Variants in CTNNA2 observed in about 807,000 individuals in gnomAD.
CTNNA2 encodes the protein catenin alpha-2.
A neutral mutation model predicts 101.0 loss-of-function variants in CTNNA2; 42 were observed. The observed-to-expected ratio is 0.42, with a 90% CI of 0.32 to 0.54. The LOEUF (loss-of-function observed/expected upper bound fraction) is 0.54. Among genes scored for constraint, CTNNA2 ranks in the 20% least tolerant of loss-of-function variants. CTNNA2 has a pLI of 0.14. For synonymous variants in CTNNA2, 450 were observed against 456.4 expected, an observed-to-expected ratio of 0.99 and a Z score of 0.18; for missense variants, 871 against 1,223.1, an observed-to-expected ratio of 0.71 and a Z score of 4.29.
At chr2:79,690,292 TG>T (rs1684201790) in intron 2 of CTNNA2, among the ~76,000 whole-genome samples, 1 of 152,086 alleles carries the variant, frequency 6.6e-6, no homozygotes, top group Non-Finnish European at 1.5e-5. Context: ...GAAGAATTAT[TG>T]GAACACTGAA....
intron 3 of CTNNA2, among the ~76,000 whole-genome samples, chr2:79,345,859 A>ATT (rs71385269): frequency 0.36 from 47,405 of 130,368 alleles, 8,530 homozygotes; most frequent in Admixed American, 0.44. Context: ...CGCCCGGTTG[A>ATT]TTTTTTTTTT....
chr2:80,370,339 A>G (rs904154085), intron 7 of CTNNA2, among the ~76,000 whole-genome samples: 1 of 152,114 alleles, frequency 6.6e-6, no homozygotes, highest in African/African-American at 2.4e-5. Context: ...CAACAATTTC[A>G]GGGCAGGAAG....
At chr2:80,371,529 A>C (rs1218234851) in intron 7 of CTNNA2, among the ~76,000 whole-genome samples, 2 of 150,928 alleles carry the variant, frequency 1.3e-5, no homozygotes, top group Non-Finnish European at 2.9e-5. Flanking sequence ...CACACAAAGG[A>C]ACAAATAATG....
At chr2:79,479,449 A>C (rs1471079249) in intron 4 of CTNNA2, among the ~76,000 whole-genome samples, 1 of 152,218 alleles carries the variant, frequency 6.6e-6, no homozygotes, top group Non-Finnish European at 1.5e-5. Flanking sequence ...TCAGAATGTT[A>C]TATCTATTGC....
intron 7 of CTNNA2, among the ~76,000 whole-genome samples, chr2:80,148,418 TC>T (rs1573224966): frequency 6.6e-6 from 1 of 152,318 alleles, no homozygotes; most frequent in East Asian, 1.9e-4. Flanking sequence ...TGATCACTGA[TC>T]CAGCTGGCAT....
At chr2:80,534,263 T>C (rs4426548) in intron 9 of CTNNA2, among the ~76,000 whole-genome samples, 69,269 of 152,056 alleles carry the variant, frequency 0.46, 16,012 homozygotes, top group South Asian at 0.57. Flanking sequence ...GGTGGGACCA[T>C]GAACAAATTT....
chr2:80,149,232 T>G (rs968951391), intron 7 of CTNNA2, among the ~76,000 whole-genome samples: 1 of 152,080 alleles, frequency 6.6e-6, no homozygotes, highest in African/African-American at 2.4e-5. Flanking sequence ...AGACAGGGTC[T>G]TTTACTTTGT....
intron 2 of CTNNA2, among the ~76,000 whole-genome samples, chr2:79,698,579 C>T (rs1225534499): frequency 2.6e-5 from 4 of 151,902 alleles, no homozygotes; most frequent in Admixed American, 6.6e-5. Flanking sequence ...TAAGTTTGCC[C>T]CTCTTCAGGA....
At chr2:80,065,405 C>A (rs958337115) in intron 7 of CTNNA2, among the ~76,000 whole-genome samples, 5 of 150,472 alleles carry the variant, frequency 3.3e-5, no homozygotes, top group African/African-American at 1.2e-4. Flanking sequence ...TGTCACCAGG[C>A]TGGAGTGCAG....
chr2:79,415,756 C>T (rs1678472292), intron 4 of CTNNA2, among the ~76,000 whole-genome samples: 1 of 151,958 alleles, frequency 6.6e-6, no homozygotes, highest in African/African-American at 2.4e-5. Context: ...AGTTTTTTTT[C>T]ATCCCAGTAG....
chr2:79,887,006 A>G (rs1230876312), intron 6 of CTNNA2, among the ~76,000 whole-genome samples: 1 of 151,758 alleles, frequency 6.6e-6, no homozygotes, highest in Admixed American at 6.6e-5. Flanking sequence ...TAGTAGACAC[A>G]TGGTTTCGCC....
At chr2:79,255,623 C>A (rs918089226) in intron 2 of CTNNA2, among the ~76,000 whole-genome samples, 2 of 152,042 alleles carry the variant, frequency 1.3e-5, no homozygotes, top group South Asian at 2.1e-4. Context: ...TGGAACATAG[C>A]AAAAGAAGAG....
intron 9 of CTNNA2, among the ~76,000 whole-genome samples, chr2:80,440,495 G>C (rs1229728986): frequency 6.6e-6 from 1 of 152,212 alleles, no homozygotes; most frequent in Admixed American, 6.5e-5. Context: ...TGCCTTCTAA[G>C]ATGCCCATCT....
intron 1 of CTNNA2, among the ~76,000 whole-genome samples, chr2:79,195,541 T>G (rs568246148): frequency 1.3e-5 from 2 of 152,294 alleles, no homozygotes; most frequent in East Asian, 3.9e-4. Context: ...TTAGTCCTAC[T>G]AACCAAAAGA....
intron 9 of CTNNA2, among the ~76,000 whole-genome samples, chr2:80,516,855 C>G (rs1414444155): frequency 2.0e-5 from 3 of 152,174 alleles, no homozygotes; most frequent in African/African-American, 2.4e-5. Context: ...TAATGGTGTT[C>G]TTTTTACTTG....
chr2:80,276,710 ACT>A (rs1179915339), intron 7 of CTNNA2, among the ~76,000 whole-genome samples: 4 of 151,790 alleles, frequency 2.6e-5, no homozygotes, highest in Non-Finnish European at 5.9e-5. Flanking sequence ...GATGTGCCAG[ACT>A]CTTTTTAACA....
At position 80,320,332 on chromosome 2, in the gene CTNNA2, A is replaced by G. The variant is rs1678556036; in HGVS notation, c.1057-72879A>G. Among the ~76,000 whole-genome samples the G allele has an allele frequency of 2.6e-5, 4 of 152,342 alleles. No individual in the cohort carries two copies. In the South Asian group the frequency reaches 8.3e-4, roughly 32 times the overall value. On this transcript the variant is annotated intron_variant, in intron 7 of 18. Transcript: ENST00000402739. ...TGCCATTTCTCCTTCTATTTGGCCA[A>G]ATAAGCACATTTTCCCAAAGTGGGG...
Position 79,381,582 on chromosome 2 carries a change from A to G in CTNNA2, c.-135+7569A>G, listed in dbSNP as rs142921392. On this transcript the variant is annotated intron_variant, in intron 4 of 21. Coordinates refer to the CTNNA2 transcript ENST00000466387. Reference sequence around the variant, plus strand: ...AGGATGTTGCTGCTCATGCATTGGTATAGATTTCTAAGCCAGACGGAAGAG... The same window carrying G: ...AGGATGTTGCTGCTCATGCATTGGTGTAGATTTCTAAGCCAGACGGAAGAG... Among the ~76,000 whole-genome samples, 216 of 152,344 alleles carry G rather than the reference A, an allele frequency of 1.4e-3. 1 individual carries two copies. The East Asian group carries it at 0.037, about 26-fold the overall frequency.
chr2:80,365,657 A>T (rs373731611), intron 7 of CTNNA2, among the ~76,000 whole-genome samples: 1 of 151,586 alleles, frequency 6.6e-6, no homozygotes, highest in African/African-American at 2.4e-5. Context: ...AGACACTTTT[A>T]AAAAAAAGAT....
Sources: allele counts gnomAD v4.1 joint callset (sites outside exome capture counted in the v4.1 genomes callset), GRCh38; gene constraint gnomAD v4.1.1; transcripts MANE v1.5; gene names NCBI Gene and HGNC (gene_info 2026-07-23, HGNC 2026-07-21).